The following B3GAT2 variants were observed in gnomAD, a reference collection of about 807,000 sequenced individuals.
B3GAT2 encodes the protein galactosylgalactosylxylosylprotein 3-beta-glucuronosyltransferase 2.
B3GAT2 carries 26 observed loss-of-function variants against 27.8 expected under a neutral mutation model. The ratio of observed to expected loss-of-function variants is 0.93; its 90% CI spans 0.68 to 1.30. The LOEUF (loss-of-function observed/expected upper bound fraction) is 1.30. B3GAT2 is among the 50% of genes most tolerant of loss of function. B3GAT2 has a pLI of 0.00. For synonymous variants in B3GAT2, 218 were observed against 195.1 expected (o/e 1.12, Z -0.98); for missense variants, 458 against 459.0 (o/e 1.00, Z 0.02).
rs760332390 is a variant in B3GAT2 at position 70,857,732 on chromosome 6, T to C, written c.*3931A>G. The C allele has an allele frequency of 1.7e-6, 1 of 596,186 alleles. No individual in the cohort carries two copies. Among genetic ancestry groups the C allele is most frequent in the African/African-American group, 1.9e-5 (1 of 53,738 alleles). 36.9% of individuals were successfully genotyped at this position (596,186 alleles called of 1,614,324 possible). ...AAATTTACTCAGGTTAATAACTGATTTGTCTGCATCCTAGAAACAACCAGC... is the reference window on the plus strand; with the variant it reads ...AAATTTACTCAGGTTAATAACTGATCTGTCTGCATCCTAGAAACAACCAGC... On this transcript the variant is annotated 3_prime_UTR_variant, in exon 4 of 4. Transcript: ENST00000230053.
intron 2 of B3GAT2, among the ~76,000 whole-genome samples, chr6:70,892,836 C>A (rs977079358): frequency 6.6e-6 from 1 of 152,220 alleles, no homozygotes; most frequent in Non-Finnish European, 1.5e-5. Flanking sequence ...GGGTCGAGGG[C>A]AGGCCTCTTT....
intron 1 of B3GAT2, among the ~76,000 whole-genome samples, chr6:70,935,852 CA>C (rs1362369716): frequency 6.6e-6 from 1 of 151,972 alleles, no homozygotes; most frequent in Non-Finnish European, 1.5e-5. Flanking sequence ...AACTAACGAG[CA>C]AAATAACCAG....
At position 70,857,583 on chromosome 6, in the gene B3GAT2, C is replaced by T. The variant is rs572703458; in HGVS notation, c.*4080G>A. The T allele has an allele frequency of 1.3e-4, 32 of 254,830 alleles. No homozygotes were observed. The highest frequency in any genetic ancestry group is 1.4e-3 in the Middle Eastern group (1 of 736). The allele number at this position is 254,830 out of a possible 1,614,324, so 15.8% of individuals were successfully genotyped here. On this transcript the variant is annotated 3_prime_UTR_variant, in exon 4 of 4. Transcript: ENST00000230053. ...ATAGTCAGCTCTCACTTCCCTGTTTCGTACTGGGGGACCAGTGGTACAAAT... is the reference window on the plus strand; with the variant it reads ...ATAGTCAGCTCTCACTTCCCTGTTTTGTACTGGGGGACCAGTGGTACAAAT...
intron 2 of B3GAT2, among the ~76,000 whole-genome samples, chr6:70,870,396 T>TGGGGGGA (rs2150023323): frequency 1.8e-5 from 1 of 54,390 alleles, no homozygotes; most frequent in East Asian, 6.6e-4. Context: ...TGTTGTGGGG[T>TGGGGGGA]GGGGGGAGGG....
At position 70,858,859 on chromosome 6, in the gene B3GAT2, G is replaced by T. The variant is rs1160163595; in HGVS notation, c.*2804C>A. The T allele has an allele frequency of 6.5e-6, 1 of 152,910 alleles. No individual in the cohort carries two copies. 9.5% of individuals were successfully genotyped at this position (152,910 alleles called of 1,614,324 possible). On this transcript the variant is annotated 3_prime_UTR_variant, in exon 4 of 4. Transcript: ENST00000230053. ...GTACAAAAAGATTCAATTCCCATAAGGTGTGAACCAGACATCCCCTCATAT... is the reference window on the plus strand; with the variant it reads ...GTACAAAAAGATTCAATTCCCATAATGTGTGAACCAGACATCCCCTCATAT...
intron 1 of B3GAT2, among the ~76,000 whole-genome samples, chr6:70,894,853 C>T (rs1772351973): frequency 6.6e-6 from 1 of 152,134 alleles, no homozygotes; most frequent in South Asian, 2.1e-4. Flanking sequence ...GGCAATTGGG[C>T]CAAACTAGAG....
intron 2 of B3GAT2, among the ~76,000 whole-genome samples, chr6:70,872,729 T>C (rs78594423): frequency 0.013 from 2,022 of 152,130 alleles, 58 homozygotes; most frequent in African/African-American, 0.046. Context: ...TTTTGAAGTT[T>C]GTTTTCTACA....
At chr6:70,886,791 C>G (rs928704634) in intron 2 of B3GAT2, among the ~76,000 whole-genome samples, 1 of 152,176 alleles carries the variant, frequency 6.6e-6, no homozygotes, top group Non-Finnish European at 1.5e-5. Context: ...CCCTGCAAGT[C>G]TCTAGACTGC....
chr6:70,874,764 T>A (rs909904883), intron 2 of B3GAT2, among the ~76,000 whole-genome samples: 1 of 152,188 alleles, frequency 6.6e-6, no homozygotes, highest in African/African-American at 2.4e-5. Flanking sequence ...ACAAGCCTTG[T>A]GAACAGGGTT....
chr6:70,859,110 G>GA lies in B3GAT2; in HGVS notation c.*2552dup. On this transcript the variant is annotated 3_prime_UTR_variant, in exon 4 of 4. Coordinates refer to ENST00000230053, the MANE Select transcript of B3GAT2 (RefSeq NM_080742.3). ...TTTAGAGCATTCAGGGAATAGTCTA[G>GA]AGTGATTTCTAACATTAGCACAATC... 1 of 422,760 alleles carries GA rather than the reference G, an allele frequency of 2.4e-6. No individual in the cohort carries two copies. 26.2% of individuals were successfully genotyped at this position (422,760 alleles called of 1,614,324 possible).
chr6:70,935,840 T>A (rs1262271475), intron 1 of B3GAT2, among the ~76,000 whole-genome samples: 3 of 152,030 alleles, frequency 2.0e-5, no homozygotes, highest in African/African-American at 7.3e-5. Flanking sequence ...AGAAACTGCA[T>A]CAACTAACGA....
At chr6:70,872,939 T>TA (rs1359201171) in intron 2 of B3GAT2, among the ~76,000 whole-genome samples, 1 of 152,010 alleles carries the variant, frequency 6.6e-6, no homozygotes, top group South Asian at 2.1e-4. Flanking sequence ...TTCAACAGGA[T>TA]AAAAAAACTT....
intron 1 of B3GAT2, among the ~76,000 whole-genome samples, chr6:70,947,379 A>C (rs1481368301): frequency 2.6e-5 from 4 of 151,580 alleles, no homozygotes; most frequent in African/African-American, 9.8e-5. Flanking sequence ...AATAGACACA[A>C]AAAAAATGAT....
intron 1 of B3GAT2, among the ~76,000 whole-genome samples, chr6:70,899,171 G>A (rs1237021318): frequency 6.6e-6 from 1 of 151,948 alleles, no homozygotes; most frequent in African/African-American, 2.4e-5. Flanking sequence ...GCCATTAAAG[G>A]GAATTAAAAA....
chr6:70,923,109 T>C (rs1772898123), intron 1 of B3GAT2, among the ~76,000 whole-genome samples: 1 of 152,246 alleles, frequency 6.6e-6, no homozygotes, highest in Non-Finnish European at 1.5e-5. Context: ...ATCATTGTCA[T>C]CAGCATCATC....
intron 1 of B3GAT2, among the ~76,000 whole-genome samples, chr6:70,945,177 C>G (rs570086630): frequency 6.6e-6 from 1 of 152,186 alleles, no homozygotes; most frequent in African/African-American, 2.4e-5. Context: ...TCTCCTCCCC[C>G]AAAGGAACAC....
chr6:70,918,962 T>G (rs1772822514), intron 1 of B3GAT2, among the ~76,000 whole-genome samples: 1 of 152,238 alleles, frequency 6.6e-6, no homozygotes, highest in Non-Finnish European at 1.5e-5. Flanking sequence ...GTTGGGGAAG[T>G]TCTCCTGCAT....
chr6:70,926,660 G>A (rs975440038), intron 1 of B3GAT2, among the ~76,000 whole-genome samples: 2 of 152,210 alleles, frequency 1.3e-5, no homozygotes, highest in African/African-American at 4.8e-5. Flanking sequence ...AAGTCTCCAA[G>A]AAATATGGGA....
intron 1 of B3GAT2, among the ~76,000 whole-genome samples, chr6:70,906,207 A>G (rs1435412604): frequency 1.3e-5 from 2 of 152,226 alleles, no homozygotes; most frequent in African/African-American, 2.4e-5. Context: ...AGAAGTCTCT[A>G]AAGCACTTAG....
Sources: allele counts gnomAD v4.1 joint callset (sites outside exome capture counted in the v4.1 genomes callset), GRCh38; gene constraint gnomAD v4.1.1; transcripts MANE v1.5; gene names NCBI Gene and HGNC (gene_info 2026-07-23, HGNC 2026-07-21).